The following SERINC5 variants were observed in gnomAD, a reference collection of about 807,000 sequenced individuals.
SERINC5 encodes serine incorporator 5, also known as chromosome 5 open reading frame 12.
Under a neutral mutation model 63.1 loss-of-function variants are expected in SERINC5, and 41 were observed. The ratio of observed to expected loss-of-function variants is 0.65; its 90% CI spans 0.51 to 0.84. The LOEUF is 0.84. Among genes scored for constraint, SERINC5 ranks in the 40% least tolerant of loss-of-function variants. The pLI, the probability that SERINC5 is intolerant of heterozygous loss-of-function variation, is 0.00. For missense variants in SERINC5, 523 were observed against 573.0 expected (o/e 0.91, Z 0.89); for synonymous variants, 222 against 215.2 (o/e 1.03, Z -0.28).
Position 80,248,163 on chromosome 5 carries a change from T to C in SERINC5, c.27+7733A>G, listed in dbSNP as rs890151851. ...CACCTTGCCTGGCCTCATGATGAAGTTTAATTTCTAAATTAGGCACAGTTA... is the reference window on the plus strand; with the variant it reads ...CACCTTGCCTGGCCTCATGATGAAGCTTAATTTCTAAATTAGGCACAGTTA... On this transcript the variant is annotated intron_variant, in intron 1 of 11. Transcript: ENST00000507668. 6.6e-5 allele frequency among the ~76,000 whole-genome samples: 10 copies of C among 152,142 alleles called. No homozygotes were observed. The East Asian group carries it at 9.6e-4, about 15-fold the overall frequency.
At chr5:80,220,117 G>A (rs1217918640) in intron 1 of SERINC5, among the ~76,000 whole-genome samples, 1 of 152,102 alleles carries the variant, frequency 6.6e-6, no homozygotes, top group African/African-American at 2.4e-5. Context: ...AGCAAGGCAG[G>A]AGAATCGCTT....
intron 1 of SERINC5, among the ~76,000 whole-genome samples, chr5:80,216,716 T>A (rs1012978931): frequency 7.2e-5 from 11 of 152,012 alleles, no homozygotes; most frequent in African/African-American, 1.4e-4. Flanking sequence ...TATTTTTTTT[T>A]AATTAGTTTT....
At position 80,174,911 on chromosome 5, in the gene SERINC5, A is replaced by G. The variant is rs1747929100; in HGVS notation, c.551+43T>C. Reference sequence around the variant, plus strand: ...AGTACAGCCTTGGTCAAAACTGGGCAGTTTCTGTGAGTCAATGGGAAGCTT... The same window carrying G: ...AGTACAGCCTTGGTCAAAACTGGGCGGTTTCTGTGAGTCAATGGGAAGCTT... On this transcript the variant is annotated intron_variant, in intron 5 of 11. Coordinates refer to ENST00000507668, the MANE Select transcript of SERINC5 (RefSeq NM_001174072.3). 6 of 1,396,958 alleles carry G rather than the reference A, an allele frequency of 4.3e-6. No individual in the cohort carries two copies. In the East Asian group the frequency reaches 1.5e-4, roughly 35 times the overall value. The allele number at this position is 1,396,958 out of a possible 1,614,324, so 86.5% of individuals were successfully genotyped here. A position where few individuals can be genotyped will look rare whatever the true frequency, so the allele number is the denominator to read the frequency against.
chr5:80,188,707 G>A (rs1748992777), intron 2 of SERINC5, among the ~76,000 whole-genome samples: 1 of 152,132 alleles, frequency 6.6e-6, no homozygotes, highest in Non-Finnish European at 1.5e-5. Flanking sequence ...GCAGCACAGT[G>A]AGAGACCCCG....
In SERINC5 at chr5:80,140,659, T is replaced by C; in HGVS notation, c.*3004A>G. ...ACGTGGTTGGGTTTCTGAAGGCTTA[T>C]AATGGAAATAGTCTCTAGTCTCCAG... On this transcript the variant is annotated 3_prime_UTR_variant, in exon 12 of 12. Coordinates refer to ENST00000507668, the MANE Select transcript of SERINC5 (RefSeq NM_001174072.3). 2 of 985,358 alleles carry C rather than the reference T, an allele frequency of 2.0e-6. No individual in the cohort carries two copies. Among genetic ancestry groups the C allele is most frequent in the African/African-American group, 1.7e-5 (1 of 57,350 alleles). 61.0% of individuals were successfully genotyped at this position (985,358 alleles called of 1,614,324 possible).
chr5:80,162,705 A>G (rs1454941301), intron 7 of SERINC5, among the ~76,000 whole-genome samples: 1 of 151,974 alleles, frequency 6.6e-6, no homozygotes, highest in Non-Finnish European at 1.5e-5. Context: ...AATGTTTAGT[A>G]GTTTTCATTG....
intron 11 of SERINC5, chr5:80,116,455 C>A: frequency 2.4e-6 from 1 of 408,208 alleles, no homozygotes; most frequent in Non-Finnish European, 4.8e-6. Flanking sequence ...TCTCCGTTCC[C>A]TTCCCTGGGA....
At position 80,139,648 on chromosome 5, in the gene SERINC5, T is replaced by G; in HGVS notation, c.*4015A>C. ...ATCTGTGTGAACAGCTCTCCAGTAC[T>G]GTGAAGTCAAAGGCCCAACATTACA... On this transcript the variant is annotated 3_prime_UTR_variant, in exon 12 of 12. Coordinates refer to ENST00000507668, the MANE Select transcript of SERINC5 (RefSeq NM_001174072.3). 1 of 984,346 alleles carries G rather than the reference T, an allele frequency of 1.0e-6. No homozygotes were observed. Among genetic ancestry groups the G allele is most frequent in the South Asian group, 4.7e-5 (1 of 21,288 alleles). 61.0% of individuals were successfully genotyped at this position (984,346 alleles called of 1,614,324 possible).
intron 11 of SERINC5, among the ~76,000 whole-genome samples, chr5:80,119,607 G>C (rs925449551): frequency 6.6e-6 from 1 of 152,226 alleles, no homozygotes; most frequent in South Asian, 2.1e-4. Flanking sequence ...CACTGGAGAA[G>C]TTCCAGAAAT....
chr5:80,224,265 A>G (rs1445592295), intron 1 of SERINC5, among the ~76,000 whole-genome samples: 1 of 152,070 alleles, frequency 6.6e-6, no homozygotes, highest in African/African-American at 2.4e-5. Flanking sequence ...GTTTGAGACC[A>G]CAGGAGTTCA....
At chr5:80,191,251 G>C (rs749034959) in intron 2 of SERINC5, among the ~76,000 whole-genome samples, 1 of 151,552 alleles carries the variant, frequency 6.6e-6, no homozygotes, top group Non-Finnish European at 1.5e-5. Context: ...CAGCTAACTG[G>C]AACAGTCGTT....
At chr5:80,202,801 T>C (rs1221691549) in intron 2 of SERINC5, 85 bp downstream of exon 2, 1 of 1,371,154 alleles carries the variant, frequency 7.3e-7, no homozygotes, top group Non-Finnish European at 1.0e-6. Flanking sequence ...TGGGGGTACA[T>C]GGACCCCATC....
chr5:80,208,531 C>G (rs904819196), intron 1 of SERINC5, among the ~76,000 whole-genome samples: 3 of 152,176 alleles, frequency 2.0e-5, no homozygotes, highest in Admixed American at 1.3e-4. Context: ...GGCTGGCAAT[C>G]TCCTCCATGG....
chr5:80,168,353 T>G (rs908998474), intron 6 of SERINC5, among the ~76,000 whole-genome samples: 1 of 152,028 alleles, frequency 6.6e-6, no homozygotes, highest in African/African-American at 2.4e-5. Flanking sequence ...TGTCCCACCA[T>G]GGCTGGCTAA....
intron 4 of SERINC5, 123 bp from the exon 5 acceptor site, chr5:80,175,170 A>G (rs1037149642): frequency 3.3e-6 from 2 of 614,490 alleles, no homozygotes; most frequent in Non-Finnish European, 5.8e-6. Context: ...ACACAACCAT[A>G]TAAGATATGT....
At chr5:80,167,692 A>G (rs1051937203) in intron 6 of SERINC5, among the ~76,000 whole-genome samples, 1 of 152,194 alleles carries the variant, frequency 6.6e-6, no homozygotes, top group Non-Finnish European at 1.5e-5. Context: ...CCAACAGTGT[A>G]TAAGTGTTCA....
In SERINC5 at chr5:80,141,908, G is replaced by A; in HGVS notation, c.*1755C>T. 1 of 985,362 alleles carries A rather than the reference G, an allele frequency of 1.0e-6. No homozygotes were observed. Among genetic ancestry groups the A allele is most frequent in the Non-Finnish European group, 1.2e-6 (1 of 829,924 alleles). 61.0% of individuals were successfully genotyped at this position (985,362 alleles called of 1,614,324 possible). On this transcript the variant is annotated 3_prime_UTR_variant, in exon 12 of 12. Transcript: ENST00000507668. ...CACTCTAAGTAGGGAAAGTTCTAAAGGAATTCATCCCCTGTAATTTGTTTC... is the reference window on the plus strand; with the variant it reads ...CACTCTAAGTAGGGAAAGTTCTAAAAGAATTCATCCCCTGTAATTTGTTTC...
At chr5:80,137,315 A>AT (rs1186291411), downstream of SERINC5, among the ~76,000 whole-genome samples, 4 of 152,170 alleles carry the variant, frequency 2.6e-5, no homozygotes, top group African/African-American at 9.6e-5. Flanking sequence ...TGGCCAAGAT[A>AT]TAGAATCAGC....
chr5:80,122,311 T>C (rs1412163056), intron 11 of SERINC5, among the ~76,000 whole-genome samples: 1 of 151,716 alleles, frequency 6.6e-6, no homozygotes, highest in Non-Finnish European at 1.5e-5. Context: ...GCAGGAAGCA[T>C]CCAGCACGGG....
Sources: gnomAD v4.1 joint callset for allele counts (sites outside exome capture counted in the v4.1 genomes callset) on GRCh38, gnomAD v4.1.1 for gene constraint, MANE v1.5 for transcripts, NCBI Gene and HGNC (gene_info 2026-07-23, HGNC 2026-07-21) for gene names.